FGF12: variants seen among roughly 807,000 people sequenced by gnomAD.
FGF12 encodes fibroblast growth factor 12B.
Under a neutral mutation model 23.6 loss-of-function variants are expected in FGF12, and 14 were observed. The ratio of observed to expected loss-of-function variants is 0.59; its 90% CI spans 0.39 to 0.93. The LOEUF is 0.93. Among genes scored for constraint, FGF12 ranks in the 40% least tolerant of loss-of-function variants. The pLI is 0.00. For missense variants in FGF12, 175 were observed against 217.8 expected, an observed-to-expected ratio of 0.80 and a Z score of 1.24; for synonymous variants, 62 against 77.3, an observed-to-expected ratio of 0.80 and a Z score of 1.04.
chr3:192,338,535 C>G (rs1022459950), intron 3 of FGF12, among the ~76,000 whole-genome samples: 1 of 152,118 alleles, frequency 6.6e-6, no homozygotes, highest in Non-Finnish European at 1.5e-5. Context: ...ATAAAGGTGT[C>G]CTTTGTGCCC....
At chr3:192,598,130 C>T (rs946850610) in intron 2 of FGF12, among the ~76,000 whole-genome samples, 1 of 152,190 alleles carries the variant, frequency 6.6e-6, no homozygotes, top group Non-Finnish European at 1.5e-5. Flanking sequence ...ATCAGCCCTT[C>T]CTGGCAATGC....
At chr3:192,588,084 G>A (rs1175688242) in intron 2 of FGF12, among the ~76,000 whole-genome samples, 3 of 151,558 alleles carry the variant, frequency 2.0e-5, no homozygotes, top group Admixed American at 1.3e-4. Flanking sequence ...AGCAGCTCAC[G>A]CCTGTAATCG....
chr3:192,555,172 T>C (rs1305690879), intron 2 of FGF12, among the ~76,000 whole-genome samples: 1 of 152,194 alleles, frequency 6.6e-6, no homozygotes, highest in Non-Finnish European at 1.5e-5. Context: ...TGAATATCCA[T>C]ATTCAAGAAT....
intron 2 of FGF12, among the ~76,000 whole-genome samples, chr3:192,423,006 C>T (rs1222000157): frequency 6.6e-6 from 1 of 152,170 alleles, no homozygotes; most frequent in African/African-American, 2.4e-5. Context: ...ATGCTTTCCC[C>T]TTCCAAATAC....
intron 2 of FGF12, among the ~76,000 whole-genome samples, chr3:192,402,073 C>G (rs182224429): frequency 6.6e-6 from 1 of 152,328 alleles, no homozygotes; most frequent in East Asian, 1.9e-4. Context: ...ACATCCCACT[C>G]CGAAGTCCAG....
chr3:192,300,611 T>C (rs1715287181), intron 4 of FGF12, among the ~76,000 whole-genome samples: 1 of 151,206 alleles, frequency 6.6e-6, no homozygotes, highest in Non-Finnish European at 1.5e-5. Flanking sequence ...ATTCATTTTC[T>C]TTATAATGTT....
intron 2 of FGF12, among the ~76,000 whole-genome samples, chr3:192,492,672 T>C (rs1289728917): frequency 6.6e-6 from 1 of 152,142 alleles, no homozygotes; most frequent in Non-Finnish European, 1.5e-5. Context: ...AGGACAAAGC[T>C]TAATTAATTT....
intron 2 of FGF12, among the ~76,000 whole-genome samples, chr3:192,555,840 T>C (rs1711747911): frequency 6.6e-6 from 1 of 151,588 alleles, no homozygotes; most frequent in Non-Finnish European, 1.5e-5. Context: ...ATCTATAGCA[T>C]AGTGTGTGCA....
intron 2 of FGF12, among the ~76,000 whole-genome samples, chr3:192,477,019 A>G (rs1723345179): frequency 6.6e-6 from 1 of 152,222 alleles, no homozygotes; most frequent in African/African-American, 2.4e-5. Flanking sequence ...AGGAAGAATG[A>G]GGTGTAGAGA....
intron 2 of FGF12, among the ~76,000 whole-genome samples, chr3:192,421,017 T>C (rs146039995): frequency 2.6e-3 from 393 of 152,106 alleles, no homozygotes; most frequent in Non-Finnish European, 4.6e-3. Flanking sequence ...CAAAACACAA[T>C]GAAGGGGGTG....
At chr3:192,588,140 C>T (rs1288406472) in intron 2 of FGF12, among the ~76,000 whole-genome samples, 4 of 151,040 alleles carry the variant, frequency 2.6e-5, no homozygotes, top group Non-Finnish European at 5.9e-5. Context: ...GGTCAGGAGA[C>T]CGAGACCATC....
chr3:192,305,679 A>AAAAAAATATATATATAT (rs1423738741), intron 4 of FGF12, among the ~76,000 whole-genome samples: 15 of 131,934 alleles, frequency 1.1e-4, no homozygotes, highest in South Asian at 5.2e-4. Flanking sequence ...AAAAAAAAAA[A>AAAAAAATATATATATAT]ATATATATAT....
At chr3:192,318,965 AAAAACAAAACAAAAC>A (rs537373153) in intron 4 of FGF12, among the ~76,000 whole-genome samples, 1 of 152,008 alleles carries the variant, frequency 6.6e-6, no homozygotes, top group Non-Finnish European at 1.5e-5. Context: ...CTGAAGGGGG[AAAAACAAAACAAAAC>A]AAAACAAAAC....
chr3:192,688,836 C>T (rs982658077), intron 2 of FGF12, among the ~76,000 whole-genome samples: 1 of 152,050 alleles, frequency 6.6e-6, no homozygotes, highest in Non-Finnish European at 1.5e-5. Context: ...ATGGAATCAA[C>T]CTAAAAATTC....
chr3:192,691,261 G>A (rs904932912), intron 2 of FGF12, among the ~76,000 whole-genome samples: 14 of 152,080 alleles, frequency 9.2e-5, no homozygotes, highest in Non-Finnish European at 1.6e-4. Flanking sequence ...ACGGAACATT[G>A]TCGAGTATAG....
chr3:192,409,023 T>A lies in FGF12; in HGVS notation c.14-48485A>T. 1.0e-6 allele frequency: 1 copy of A among 966,544 alleles called. No homozygotes were observed. The highest frequency in any genetic ancestry group is 1.2e-6 in the Non-Finnish European group (1 of 826,186). 59.9% of individuals were successfully genotyped at this position (966,544 alleles called of 1,614,324 possible). A position where few individuals can be genotyped will look rare whatever the true frequency, so the allele number is the denominator to read the frequency against. On this transcript the variant is annotated intron_variant, in intron 2 of 5. Transcript: ENST00000445105. This position sits in a 1 kb window ranked among gnomAD's most constrained non-coding sequence, Gnocchi z 4.8. Reference sequence around the variant, plus strand: ...CGGGGGCAGCTGTTTCCAGCTGCGGTGAGAGCAACTCCCGGCCAGCAGCAC... The same window carrying A: ...CGGGGGCAGCTGTTTCCAGCTGCGGAGAGAGCAACTCCCGGCCAGCAGCAC...
intron 2 of FGF12, among the ~76,000 whole-genome samples, chr3:192,536,085 G>A (rs140384026): frequency 2.6e-5 from 4 of 151,994 alleles, no homozygotes; most frequent in African/African-American, 9.6e-5. Flanking sequence ...TACTCTACAC[G>A]GCTATTTCAC....
At chr3:192,725,111 T>A (rs1027585637) in intron 2 of FGF12, among the ~76,000 whole-genome samples, 1 of 152,240 alleles carries the variant, frequency 6.6e-6, no homozygotes, top group African/African-American at 2.4e-5. Flanking sequence ...ACACTCTTTT[T>A]GGCTGGAATA....
At chr3:192,404,871 C>G (rs940421774) in intron 2 of FGF12, among the ~76,000 whole-genome samples, 1 of 152,188 alleles carries the variant, frequency 6.6e-6, no homozygotes, top group African/African-American at 2.4e-5. Flanking sequence ...CCTTCTTCTA[C>G]AAGTTACCTC....
Sources: gnomAD v4.1 joint callset for allele counts (sites outside exome capture counted in the v4.1 genomes callset) on GRCh38, gnomAD v4.1.1 for gene constraint, Gnocchi (gnomAD v3.1) non-coding constraint, MANE v1.5 for transcripts, NCBI Gene and HGNC (gene_info 2026-07-23, HGNC 2026-07-21) for gene names.